Variants in PRELID2 observed in about 807,000 individuals in gnomAD.
PRELID2 encodes PRELI domain-containing protein 2.
In PRELID2, 25 loss-of-function variants were observed where a neutral mutation model predicts 28.4. The observed-to-expected ratio is 0.88, with a 90% CI of 0.64 to 1.23. PRELID2 has a LOEUF of 1.23. PRELID2 is among the 50% of genes most tolerant of loss of function. The pLI is 0.00. For missense variants in PRELID2, 201 were observed against 214.4 expected, an observed-to-expected ratio of 0.94 and a Z score of 0.39; for synonymous variants, 76 against 71.6, an observed-to-expected ratio of 1.06 and a Z score of -0.31.
intron 1 of PRELID2, among the ~76,000 whole-genome samples, chr5:145,729,886 C>T (rs1264727688): frequency 6.6e-6 from 1 of 152,172 alleles, no homozygotes; most frequent in Non-Finnish European, 1.5e-5. Flanking sequence ...GCCCTGAGCT[C>T]TGCAAGCCCA....
intron 1 of PRELID2, among the ~76,000 whole-genome samples, chr5:145,505,353 A>G (rs1212401751): frequency 1.3e-5 from 2 of 152,158 alleles, no homozygotes; most frequent in Non-Finnish European, 2.9e-5. Context: ...GACAAAATTT[A>G]CAATAGGGAA....
the PRELID2 span, among the ~76,000 whole-genome samples, chr5:145,297,648 G>T: frequency 5.3e-5 from 8 of 151,688 alleles, no homozygotes; most frequent in Admixed American, 5.3e-4. Context: ...GAAATAAAGG[G>T]TATTCAATTA....
intron 1 of PRELID2, among the ~76,000 whole-genome samples, chr5:145,517,458 T>G (rs1467312200): frequency 6.6e-6 from 1 of 152,140 alleles, no homozygotes; most frequent in Non-Finnish European, 1.5e-5. Context: ...TCATGCCAGT[T>G]AAAATGGTGA....
In PRELID2 at chr5:145,760,530, A is replaced by T. The variant is rs975918238; in HGVS notation, c.*11-5T>A. On this transcript the variant is annotated splice_polypyrimidine_tract_variant and splice_region_variant and intron_variant, in intron 6 of 6. Coordinates refer to ENST00000683046, the MANE Select transcript of PRELID2 (RefSeq NM_205846.3). The stretch of plus-strand genomic sequence containing the variant: ...GTAGACATGGATACAGCTCTCCTGC[A>T]AGAGAAAGCAAACAGGCTTTATCAC... 6.6e-6 allele frequency: 1 copy of T among 152,218 alleles called. No individual in the cohort carries two copies. The highest frequency in any genetic ancestry group is 1.5e-5 in the Non-Finnish European group (1 of 68,034). 9.4% of individuals were successfully genotyped at this position (152,218 alleles called of 1,614,324 possible).
intron 1 of PRELID2, among the ~76,000 whole-genome samples, chr5:145,613,154 T>C (rs932080095): frequency 3.3e-5 from 5 of 152,190 alleles, no homozygotes; most frequent in African/African-American, 1.2e-4. Context: ...CTGGTTTTGA[T>C]TTTTTATTAT....
At chr5:145,535,123 C>T (rs1041946690) in intron 1 of PRELID2, among the ~76,000 whole-genome samples, 2 of 151,828 alleles carry the variant, frequency 1.3e-5, no homozygotes, top group African/African-American at 2.4e-5. Flanking sequence ...TGCCTTTTCC[C>T]CCTATGTATC....
At chr5:145,486,017 A>T (rs1240675844) in intron 1 of PRELID2, among the ~76,000 whole-genome samples, 1 of 152,216 alleles carries the variant, frequency 6.6e-6, no homozygotes, top group Non-Finnish European at 1.5e-5. Flanking sequence ...ATTAACACAG[A>T]TATAAAGTTT....
intron 1 of PRELID2, among the ~76,000 whole-genome samples, chr5:145,648,352 C>T (rs1754231463): frequency 6.6e-6 from 1 of 151,976 alleles, no homozygotes; most frequent in African/African-American, 2.4e-5. Flanking sequence ...AACAGTACTG[C>T]ATTTTGTTAG....
intron 1 of PRELID2, among the ~76,000 whole-genome samples, chr5:145,554,892 G>A (rs1752866809): frequency 6.6e-6 from 1 of 152,292 alleles, no homozygotes; most frequent in African/African-American, 2.4e-5. Flanking sequence ...TCAGGAAATA[G>A]TGAATGCTAA....
intron 1 of PRELID2, among the ~76,000 whole-genome samples, chr5:145,547,379 A>G (rs1478868074): frequency 6.6e-6 from 1 of 152,174 alleles, no homozygotes; most frequent in East Asian, 1.9e-4. Context: ...AAGATTATCC[A>G]CATGGACCCG....
chr5:145,753,657 T>C (rs1757183233), downstream of PRELID2, among the ~76,000 whole-genome samples: 1 of 152,148 alleles, frequency 6.6e-6, no homozygotes, highest in Non-Finnish European at 1.5e-5. Flanking sequence ...AGGATCACCT[T>C]GGGAGCTACA....
intron 1 of PRELID2, among the ~76,000 whole-genome samples, chr5:145,742,191 A>G (rs1756840740): frequency 2.4e-5 from 1 of 41,690 alleles, no homozygotes; most frequent in South Asian, 6.6e-4. Flanking sequence ...TTTATATATA[A>G]ATAATAATAT....
chr5:145,449,116 A>G, the PRELID2 span, among the ~76,000 whole-genome samples: 1 of 152,150 alleles, frequency 6.6e-6, no homozygotes, highest in East Asian at 1.9e-4. Context: ...ACCCCTCCAA[A>G]ATGACTATTG....
rs1554087428 is a variant in PRELID2 at position 145,737,426 on chromosome 5, T to TA, written n.70+27504dup. ...CTAAAATCCCTGGATGTTATTTATT[T>TA]AAAAAAAAAACAAAAACAAAAAAAA... On this transcript the variant is annotated intron_variant and non_coding_transcript_variant, in intron 1 of 2. Transcript: ENST00000510259. 9.8e-3 allele frequency among the ~76,000 whole-genome samples: 1,432 copies of TA among 146,384 alleles called. 10 individuals are homozygous for TA. Among genetic ancestry groups the TA allele is most frequent in the Middle Eastern group, 0.028 (8 of 284 alleles).
At chr5:145,703,976 T>C (rs1755476616) in intron 1 of PRELID2, 3 of 152,226 alleles carry the variant, frequency 2.0e-5, no homozygotes, top group African/African-American at 2.4e-5. Context: ...TCACAGTACC[T>C]GAGGTGTCTT....
chr5:145,536,527 G>A (rs73307653), intron 1 of PRELID2, among the ~76,000 whole-genome samples: 4,215 of 151,954 alleles, frequency 0.028, 189 homozygotes, highest in African/African-American at 0.09. Context: ...CTTGCAAAAT[G>A]TTCTAAGGCA....
intron 1 of PRELID2, chr5:145,728,590 C>T (rs1756244512): frequency 7.7e-6 from 7 of 912,902 alleles, no homozygotes; most frequent in South Asian, 1.3e-5. Flanking sequence ...GCAATTAACA[C>T]ATTTAGCAAA....
chr5:145,829,127 C>T (rs746312034), intron 1 of PRELID2, among the ~76,000 whole-genome samples: 2 of 151,984 alleles, frequency 1.3e-5, no homozygotes, highest in Non-Finnish European at 2.9e-5. Context: ...TCTTGAACTC[C>T]TAGGCTCAAG....
the PRELID2 span, among the ~76,000 whole-genome samples, chr5:145,264,454 T>C: frequency 6.6e-6 from 1 of 151,978 alleles, no homozygotes; most frequent in African/African-American, 2.4e-5. Context: ...CCTTTATGAC[T>C]CAAACCCTCC....
Sources: gnomAD v4.1 joint callset for allele counts (sites outside exome capture counted in the v4.1 genomes callset) on GRCh38, gnomAD v4.1.1 for gene constraint, MANE v1.5 for transcripts, NCBI Gene and HGNC (gene_info 2026-07-23, HGNC 2026-07-21) for gene names.